Variants in TTC39B observed in about 807,000 individuals in gnomAD.
The protein encoded by TTC39B is tetratricopeptide repeat domain 39B, also known as tetratricopeptide repeat protein 39B.
Under a neutral mutation model 96.6 loss-of-function variants are expected in TTC39B, and 92 were observed. The observed-to-expected ratio is 0.95, with a 90% CI of 0.80 to 1.13. The LOEUF (loss-of-function observed/expected upper bound fraction) is 1.13. Ranked by LOEUF, TTC39B falls within the 50% of genes most tolerant of loss-of-function variation. The probability of loss-of-function intolerance (pLI) is 0.00; values close to 1 mark genes in which losing one functional copy is unlikely to be tolerated. For synonymous variants in TTC39B, 367 were observed against 299.4 expected, an observed-to-expected ratio of 1.23 and a Z score of -2.33; for missense variants, 955 against 809.3, an observed-to-expected ratio of 1.18 and a Z score of -2.18.
intron 17 of TTC39B, among the ~76,000 whole-genome samples, chr9:15,179,617 A>G (rs1166652648): frequency 6.6e-6 from 1 of 152,242 alleles, no homozygotes; most frequent in African/African-American, 2.4e-5. Flanking sequence ...TAAAACAGAC[A>G]TTCAAGAAGT....
intron 6 of TTC39B, among the ~76,000 whole-genome samples, chr9:15,207,465 C>G (rs555257608): frequency 1.3e-5 from 2 of 152,272 alleles, no homozygotes; most frequent in Non-Finnish European, 2.9e-5. Context: ...TGACACATTT[C>G]ATGCCCTTCT....
intron 2 of TTC39B, among the ~76,000 whole-genome samples, chr9:15,235,043 A>AAATAAATAAAT (rs542968089): frequency 2.5e-4 from 35 of 137,370 alleles, no homozygotes; most frequent in Non-Finnish European, 3.8e-4. Flanking sequence ...ATAAATAAAT[A>AAATAAATAAAT]AAACAAAAAC....
chr9:15,271,525 G>A (rs1012907282), intron 1 of TTC39B, among the ~76,000 whole-genome samples: 1 of 152,104 alleles, frequency 6.6e-6, no homozygotes, highest in African/African-American at 2.4e-5. Flanking sequence ...GCGCAACCTA[G>A]ATCACTTGCA....
chr9:15,245,484 C>T (rs545680240), intron 2 of TTC39B, among the ~76,000 whole-genome samples: 1 of 152,202 alleles, frequency 6.6e-6, no homozygotes, highest in Admixed American at 6.5e-5. Context: ...TTTTGCTATA[C>T]AGGGATGCTA....
chr9:15,296,043 G>T (rs955060193), intron 1 of TTC39B, among the ~76,000 whole-genome samples: 8 of 152,170 alleles, frequency 5.3e-5, no homozygotes, highest in African/African-American at 1.9e-4. Context: ...AGACTCTGAG[G>T]TTTGTTTCCT....
intron 17 of TTC39B, among the ~76,000 whole-genome samples, chr9:15,179,556 T>A (rs1348727172): frequency 6.6e-6 from 1 of 152,256 alleles, no homozygotes; most frequent in African/African-American, 2.4e-5. Context: ...TTATTTAGAA[T>A]CATTTTTCTA....
chr9:15,262,387 T>C (rs575752387), intron 2 of TTC39B, among the ~76,000 whole-genome samples: 1 of 152,254 alleles, frequency 6.6e-6, no homozygotes, highest in Non-Finnish European at 1.5e-5. Flanking sequence ...GCGTGAGCCA[T>C]AGCACTTGGC....
At chr9:15,205,636 T>C (rs905133034) in intron 6 of TTC39B, among the ~76,000 whole-genome samples, 24 of 152,344 alleles carry the variant, frequency 1.6e-4, no homozygotes, top group African/African-American at 4.3e-4. Flanking sequence ...AGTGATTTTC[T>C]AGCTGTGTTC....
intron 2 of TTC39B, among the ~76,000 whole-genome samples, chr9:15,241,716 C>G (rs1057136260): frequency 6.8e-6 from 1 of 148,004 alleles, no homozygotes. Flanking sequence ...AAATAGTAAT[C>G]TTTCGTAAGT....
chr9:15,289,768 T>C (rs948100113), intron 1 of TTC39B, among the ~76,000 whole-genome samples: 3 of 152,240 alleles, frequency 2.0e-5, no homozygotes, highest in Non-Finnish European at 2.9e-5. Context: ...CTGTTTTGCA[T>C]ACTTCCAGCA....
intron 18 of TTC39B, among the ~76,000 whole-genome samples, chr9:15,176,900 T>G (rs1817970578): frequency 6.6e-6 from 1 of 152,158 alleles, no homozygotes; most frequent in Non-Finnish European, 1.5e-5. Context: ...GATTCAACTC[T>G]ATGGTTAGTA....
intron 2 of TTC39B, 26 bp downstream of exon 2, chr9:15,267,888 A>T: frequency 6.3e-7 from 1 of 1,593,522 alleles, no homozygotes; most frequent in South Asian, 1.1e-5. Flanking sequence ...TCCTTACTAC[A>T]TACTTTTTAT....
rs931641649 is a variant in TTC39B, at chr9:15,210,264, G to C, written c.615-100C>G. On this transcript the variant is annotated intron_variant, in intron 5 of 19. Transcript: ENST00000512701. ...TCATTTCAGTCACTATCACACCAAA[G>C]AGTCAAAAAGCTGAAACTCTAAACC... 1.6e-5 allele frequency: 12 copies of C among 756,964 alleles called. No individual in the cohort carries two copies. In the Admixed American group the frequency reaches 1.7e-4, roughly 10 times the overall value. The allele number at this position is 756,964 out of a possible 1,614,324, so 46.9% of individuals were successfully genotyped here.
chr9:15,179,677 T>C (rs1468325683), intron 17 of TTC39B, among the ~76,000 whole-genome samples: 1 of 152,214 alleles, frequency 6.6e-6, no homozygotes, highest in East Asian at 1.9e-4. Flanking sequence ...TATTGGATGC[T>C]AGCTTGTAGT....
chr9:15,209,149 G>A (rs751942594), intron 6 of TTC39B, among the ~76,000 whole-genome samples: 80 of 152,100 alleles, frequency 5.3e-4, no homozygotes, highest in Non-Finnish European at 1.9e-4. Flanking sequence ...CTACAATAGT[G>A]ACATTTGAAG....
At chr9:15,242,334 C>G (rs1822080696) in intron 2 of TTC39B, among the ~76,000 whole-genome samples, 1 of 152,156 alleles carries the variant, frequency 6.6e-6, no homozygotes, top group Admixed American at 6.5e-5. Context: ...GTAATCCCAG[C>G]ATTTTGCAAG....
intron 1 of TTC39B, among the ~76,000 whole-genome samples, chr9:15,295,605 A>G (rs539060825): frequency 5.1e-4 from 78 of 152,398 alleles, no homozygotes; most frequent in East Asian, 9.6e-4. Context: ...CATTAAATCC[A>G]TAGATAATGA....
At chr9:15,305,099 G>C (rs1824714877) in intron 1 of TTC39B, among the ~76,000 whole-genome samples, 1 of 152,090 alleles carries the variant, frequency 6.6e-6, no homozygotes, top group South Asian at 2.1e-4. Context: ...TAAAATTGAA[G>C]AGCAGGGTCT....
rs548064628 is a variant in TTC39B, at chr9:15,171,800, G to A, written c.*219C>T. 1.3e-5 allele frequency: 4 copies of A among 299,144 alleles called. No individual in the cohort carries two copies. The South Asian group carries it at 3.3e-4, about 25-fold the overall frequency. The allele number at this position is 299,144 out of a possible 1,614,324, so 18.5% of individuals were successfully genotyped here. ...ATAATATGAAATTCTTTTGGGGGAG[G>A]CAAAATATAAGAATTTTCTAGATAA... On this transcript the variant is annotated 3_prime_UTR_variant, in exon 20 of 20. Coordinates refer to ENST00000512701, the Ensembl canonical transcript of TTC39B.
Sources: gnomAD v4.1 joint callset for allele counts (sites outside exome capture counted in the v4.1 genomes callset) on GRCh38, gnomAD v4.1.1 for gene constraint, MANE v1.5 for transcripts, NCBI Gene and HGNC (gene_info 2026-07-23, HGNC 2026-07-21) for gene names.